EPS15L1: variants seen among roughly 807,000 people sequenced by gnomAD.
EPS15L1 encodes epidermal growth factor receptor pathway substrate 15 like 1, also known as epidermal growth factor receptor substrate 15-like 1.
In EPS15L1, 43 loss-of-function variants were observed where a neutral mutation model predicts 117.1. The ratio of observed to expected loss-of-function variants is 0.37; its 90% CI spans 0.29 to 0.47. EPS15L1 has a LOEUF of 0.47. Ranked by LOEUF, EPS15L1 falls within the 20% of genes least tolerant of loss-of-function variation. EPS15L1 has a pLI of 0.99. For synonymous variants in EPS15L1, 459 were observed against 470.5 expected (o/e 0.98, Z 0.32); for missense variants, 981 against 1,164.0 (o/e 0.84, Z 2.29).
intron 1 of EPS15L1, among the ~76,000 whole-genome samples, chr19:16,451,454 T>C (rs2093141446): frequency 1.3e-5 from 2 of 152,120 alleles, no homozygotes; most frequent in South Asian, 4.1e-4. Context: ...TAAGGCATTG[T>C]GGTTATGTAA....
chr19:16,452,372 G>C (rs941875131), intron 1 of EPS15L1, among the ~76,000 whole-genome samples: 1 of 151,846 alleles, frequency 6.6e-6, no homozygotes, highest in African/African-American at 2.4e-5. Context: ...CTTGAACCCG[G>C]GAGGCAGAGT....
At chr19:16,412,930 G>A (rs1313405240) in intron 13 of EPS15L1, 4 of 655,676 alleles carry the variant, frequency 6.1e-6, no homozygotes, top group Non-Finnish European at 1.1e-5. Context: ...CAAGTCCCTG[G>A]AGGAGAGCTA....
intron 16 of EPS15L1, chr19:16,401,237 C>T (rs1354411535): frequency 2.0e-6 from 2 of 985,502 alleles, no homozygotes; most frequent in Admixed American, 6.1e-5. Flanking sequence ...CAGATGAGCT[C>T]GCCAGCAGTG....
intron 17 of EPS15L1, among the ~76,000 whole-genome samples, chr19:16,394,354 T>TAAGAGGACACAGGACCCTGGGC (rs11271210): frequency 0.094 from 14,327 of 151,924 alleles, 716 homozygotes; most frequent in Non-Finnish European, 0.11. Flanking sequence ...GCTCCCTGGG[T>TAAGAGGACACAGGACCCTGGGC]AAGAGGACAC....
rs780264859 is a variant in EPS15L1, at chr19:16,440,903, C to T, written c.172G>A (p.Asp58Asn). ...LSDIILGKIW[D>N]LADPEGKGFL... The stretch of plus-strand genomic sequence containing the variant: ...CCTTTACCTTCTGGATCGGCCAAGT[C>T]CCATATCTGCGGAAACACAAAAATG... The change falls in exon 4 of 24, where the codon GAC becomes AAC. Residue 58 changes from aspartate to asparagine, a missense_variant. Around this residue, in one of 5 missense-constraint regions of EPS15L1, gnomAD observed 62 missense variants for 104.2 expected, o/e 0.59. Transcript: ENST00000455140. The T allele has an allele frequency of 1.2e-6, 2 of 1,614,042 alleles. No homozygotes were observed. Among genetic ancestry groups the T allele is most frequent in the Non-Finnish European group, 1.7e-6 (2 of 1,180,006 alleles).
intron 12 of EPS15L1, among the ~76,000 whole-genome samples, chr19:16,414,075 G>A (rs555181133): frequency 2.0e-5 from 3 of 152,192 alleles, no homozygotes; most frequent in East Asian, 1.9e-4. Flanking sequence ...TAAAAGCAGC[G>A]CGCTTTCTCC....
chr19:16,451,723 G>T (rs2093145532), intron 1 of EPS15L1, among the ~76,000 whole-genome samples: 1 of 151,070 alleles, frequency 6.6e-6, no homozygotes, highest in Admixed American at 6.6e-5. Context: ...TAGAGACAGG[G>T]TTTCACCATG....
intron 1 of EPS15L1, among the ~76,000 whole-genome samples, chr19:16,465,113 A>G (rs547566154): frequency 5.7e-4 from 86 of 151,902 alleles, no homozygotes; most frequent in Non-Finnish European, 1.1e-3. Context: ...AAAACCTCAT[A>G]ATGTTTTAGG....
intron 16 of EPS15L1, among the ~76,000 whole-genome samples, chr19:16,396,020 T>C (rs973805384): frequency 1.3e-5 from 2 of 150,536 alleles, no homozygotes; most frequent in African/African-American, 4.9e-5. Context: ...ACTCAGGAGA[T>C]TGCCTGAACC....
At chr19:16,458,154 G>A (rs960460030) in intron 1 of EPS15L1, among the ~76,000 whole-genome samples, 3 of 152,124 alleles carry the variant, frequency 2.0e-5, no homozygotes, top group Admixed American at 1.3e-4. Context: ...TGCCAAGGAC[G>A]CCAAGATCCC....
intron 19 of EPS15L1, 45 bp from the exon 20 acceptor site, chr19:16,386,276 T>C (rs1007780487): frequency 9.4e-6 from 14 of 1,481,726 alleles, no homozygotes; most frequent in Non-Finnish European, 1.1e-5. Context: ...GTTCGTTGGT[T>C]CCATCACCCA....
intron 1 of EPS15L1, among the ~76,000 whole-genome samples, chr19:16,464,569 C>T (rs137900854): frequency 2.0e-5 from 3 of 152,312 alleles, no homozygotes; most frequent in East Asian, 1.9e-4. Flanking sequence ...AAGTCCCAGC[C>T]GCATGTTTTG....
rs550406002 is a variant in EPS15L1, at chr19:16,400,458, C to T, written c.1791+1863G>A. ...TAGAACTGTCCAAACATAGGAAGTT[C>T]CAGATGTACCACTGTGGATACACTA... is the stretch of plus-strand genomic sequence containing the variant. On this transcript the variant is annotated intron_variant, in intron 16 of 23. Coordinates refer to ENST00000455140, the MANE Select transcript of EPS15L1 (RefSeq NM_001258374.3). 4.8e-4 allele frequency among the ~76,000 whole-genome samples: 73 copies of T among 152,148 alleles called. No homozygotes were observed. The South Asian group carries it at 0.011, about 23-fold the overall frequency.
At chr19:16,456,713 G>C (rs2093200690) in intron 1 of EPS15L1, among the ~76,000 whole-genome samples, 1 of 152,086 alleles carries the variant, frequency 6.6e-6, no homozygotes, top group Non-Finnish European at 1.5e-5. Flanking sequence ...CTTCAGGAAG[G>C]GCAGGCGGGA....
At chr19:16,425,891 G>A (rs1314175216) in intron 8 of EPS15L1, among the ~76,000 whole-genome samples, 2 of 152,330 alleles carry the variant, frequency 1.3e-5, no homozygotes, top group East Asian at 1.9e-4. Flanking sequence ...TAAATTCCTT[G>A]TGGAAGGCCA....
chr19:16,389,674 T>C (rs1599564163), intron 19 of EPS15L1, among the ~76,000 whole-genome samples: 1 of 152,224 alleles, frequency 6.6e-6, no homozygotes, highest in African/African-American at 2.4e-5. Context: ...ATTGTAACAG[T>C]CTTATGGAGT....
chr19:16,358,690 G>A (rs552991634), intron 23 of EPS15L1, among the ~76,000 whole-genome samples: 1 of 152,344 alleles, frequency 6.6e-6, no homozygotes, highest in South Asian at 2.1e-4. Context: ...CCCGGGAGGC[G>A]CCCGGCACCT....
intron 13 of EPS15L1, among the ~76,000 whole-genome samples, chr19:16,410,297 A>G (rs1332140045): frequency 6.6e-6 from 1 of 152,234 alleles, no homozygotes; most frequent in Non-Finnish European, 1.5e-5. Context: ...GGACATGCCA[A>G]TGAAATCCAC....
chr19:16,369,591 T>A (rs1049353937), intron 22 of EPS15L1, among the ~76,000 whole-genome samples: 7 of 151,704 alleles, frequency 4.6e-5, no homozygotes, highest in African/African-American at 1.7e-4. Flanking sequence ...AAATAACAAT[T>A]TTCTAGAGGT....
Sources: allele counts gnomAD v4.1 joint callset (sites outside exome capture counted in the v4.1 genomes callset), GRCh38; gene constraint gnomAD v4.1.1; regional missense constraint gnomAD v4.1.1; transcripts MANE v1.5; gene names NCBI Gene and HGNC (gene_info 2026-07-23, HGNC 2026-07-21).